Variants in FOXO3 observed in about 807,000 individuals in gnomAD.
FOXO3 encodes the protein forkhead box protein O3.
A neutral mutation model predicts 41.9 loss-of-function variants in FOXO3; 4 were observed. That is an observed-to-expected ratio of 0.10 (90% CI 0.05 to 0.22). The LOEUF is 0.22. FOXO3 is among the 10% of genes least tolerant of loss of function. FOXO3 has a pLI of 1.00. For missense variants in FOXO3, 534 were observed against 906.8 expected (o/e 0.59, Z 5.28); for synonymous variants, 318 against 389.3 (o/e 0.82, Z 2.16).
intron 1 of FOXO3, among the ~76,000 whole-genome samples, chr6:108,632,595 C>T (rs112041769): frequency 0.02 from 3,005 of 152,172 alleles, 98 homozygotes; most frequent in African/African-American, 0.067. Context: ...AATCCCTCCT[C>T]CTTCCCATAT....
intron 1 of FOXO3, among the ~76,000 whole-genome samples, chr6:108,632,581 C>T (rs1040445107): frequency 3.3e-5 from 5 of 152,130 alleles, no homozygotes; most frequent in African/African-American, 9.7e-5. Context: ...ATGGGACCTG[C>T]GGAAATCCCT....
In FOXO3 at chr6:108,663,600, A is replaced by G. The variant is rs771388308; in HGVS notation, c.767A>G (p.Asn256Ser). 1.2e-6 allele frequency: 2 copies of G among 1,613,624 alleles called. No homozygotes were observed. The highest frequency in any genetic ancestry group is 1.7e-6 in the Non-Finnish European group (2 of 1,179,674). ...CGGCGGCGGGCTGTCTCCATGGACA[A>G]TAGCAACAAGTATACCAAGAGCCGT... The part of the protein sequence containing the change: ...APRRRAVSMD[N>S]SNKYTKSRGR... Residue 256 changes from asparagine (N) to serine (S), a missense_variant, in exon 2 of 3, where the codon AAT becomes AGT. This residue lies in a region of FOXO3 where 77 missense variants were observed against 193.2 expected (regional missense o/e 0.40). Coordinates refer to ENST00000406360, the MANE Select transcript of FOXO3 (RefSeq NM_001455.4).
In FOXO3 at chr6:108,673,102, A is replaced by G. The variant is rs141126361; in HGVS notation, c.*35-6725A>G. Among the ~76,000 whole-genome samples, 1,353 of 152,354 alleles carry G rather than the reference A, an allele frequency of 8.9e-3. 18 individuals are homozygous for G. Among genetic ancestry groups the G allele is most frequent in the African/African-American group, 0.031 (1,282 of 41,572 alleles). On this transcript the variant is annotated intron_variant, in intron 2 of 2. Coordinates refer to ENST00000406360, the MANE Select transcript of FOXO3 (RefSeq NM_001455.4). ...CCGCCCAACGTAGTTATAAGTAATC[A>G]GAAAGTGTCTTGACTGATAGACCTG... is the stretch of plus-strand genomic sequence containing the variant.
At chr6:108,602,306 C>T (rs767005290) in intron 1 of FOXO3, among the ~76,000 whole-genome samples, 2 of 152,048 alleles carry the variant, frequency 1.3e-5, no homozygotes, top group African/African-American at 2.4e-5. Flanking sequence ...TATGAAAGTG[C>T]CCATTCTCAT....
intron 1 of FOXO3, among the ~76,000 whole-genome samples, chr6:108,613,213 A>G (rs1470752469): frequency 1.3e-5 from 2 of 152,164 alleles, no homozygotes; most frequent in African/African-American, 4.8e-5. Flanking sequence ...ATTTCTTATA[A>G]TATCTTTGCC....
chr6:108,569,614 T>G (rs977733916), intron 1 of FOXO3, among the ~76,000 whole-genome samples: 1 of 152,196 alleles, frequency 6.6e-6, no homozygotes, highest in African/African-American at 2.4e-5. Flanking sequence ...ATGACTTCTC[T>G]GCTGGGCTGT....
intron 1 of FOXO3, among the ~76,000 whole-genome samples, chr6:108,606,234 G>A (rs915577035): frequency 5.3e-5 from 8 of 152,168 alleles, no homozygotes; most frequent in African/African-American, 1.9e-4. Context: ...ATGCCTAATT[G>A]CTGCTCTTGC....
At chr6:108,667,519 G>C (rs943313639) in intron 2 of FOXO3, among the ~76,000 whole-genome samples, 2 of 152,174 alleles carry the variant, frequency 1.3e-5, no homozygotes, top group African/African-American at 4.8e-5. Flanking sequence ...GTTTTTGTCT[G>C]ATTTTTCAAG....
At chr6:108,659,127 C>G (rs888948692) in intron 1 of FOXO3, among the ~76,000 whole-genome samples, 3 of 152,040 alleles carry the variant, frequency 2.0e-5, no homozygotes, top group African/African-American at 7.2e-5. Flanking sequence ...TCAAGCGATC[C>G]GTCTGCCTCA....
At chr6:108,622,352 C>CT (rs1777694464) in intron 1 of FOXO3, among the ~76,000 whole-genome samples, 2 of 149,246 alleles carry the variant, frequency 1.3e-5, no homozygotes, top group South Asian at 4.3e-4. Flanking sequence ...TTCTATCTTG[C>CT]TTTGTACCTG....
At chr6:108,627,035 T>C (rs1174764018) in intron 1 of FOXO3, among the ~76,000 whole-genome samples, 1 of 152,198 alleles carries the variant, frequency 6.6e-6, no homozygotes, top group African/African-American at 2.4e-5. Context: ...GAGGCAGGCT[T>C]CCTAACTGTC....
At chr6:108,662,728 AC>A (rs1778905075) in intron 1 of FOXO3, among the ~76,000 whole-genome samples, 1 of 152,198 alleles carries the variant, frequency 6.6e-6, no homozygotes, top group Non-Finnish European at 1.5e-5. Context: ...GTGATTAATT[AC>A]CCTTAGAGAG....
chr6:108,656,253 C>T (rs943386744), intron 1 of FOXO3: 19 of 418,706 alleles, frequency 4.5e-5, no homozygotes, highest in African/African-American at 8.6e-5. Context: ...TTCTTGTTGT[C>T]GTTGCTGAGA....
chr6:108,621,378 A>T (rs1777658483), intron 1 of FOXO3, among the ~76,000 whole-genome samples: 1 of 152,176 alleles, frequency 6.6e-6, no homozygotes, highest in Admixed American at 6.5e-5. Context: ...TCATCAAGCC[A>T]CAAGGACTTC....
At chr6:108,633,112 G>A (rs1315181511) in intron 1 of FOXO3, among the ~76,000 whole-genome samples, 1 of 152,124 alleles carries the variant, frequency 6.6e-6, no homozygotes, top group Non-Finnish European at 1.5e-5. Context: ...GCATCTTGTT[G>A]ACTGGTATAT....
chr6:108,582,594 T>C (rs1182852301), intron 1 of FOXO3, among the ~76,000 whole-genome samples: 4 of 152,154 alleles, frequency 2.6e-5, no homozygotes, highest in Admixed American at 6.5e-5. Context: ...GTTTTTGTCA[T>C]GGAGATAGTA....
intron 2 of FOXO3, among the ~76,000 whole-genome samples, chr6:108,677,696 G>A (rs1033179942): frequency 1.5e-4 from 23 of 152,168 alleles, no homozygotes; most frequent in African/African-American, 5.3e-4. Flanking sequence ...AAGTGTTATT[G>A]TGAGGGGAAA....
chr6:108,626,101 G>A (rs1777808298), intron 1 of FOXO3, among the ~76,000 whole-genome samples: 1 of 152,168 alleles, frequency 6.6e-6, no homozygotes, highest in Non-Finnish European at 1.5e-5. Flanking sequence ...GTGTGATCCT[G>A]GGATGTCTAG....
At chr6:108,594,790 A>G (rs1235387125) in intron 1 of FOXO3, among the ~76,000 whole-genome samples, 2 of 152,066 alleles carry the variant, frequency 1.3e-5, no homozygotes, top group Non-Finnish European at 2.9e-5. Context: ...TCATCCCCAA[A>G]TCGGGCCTTG....
Sources: allele counts gnomAD v4.1 joint callset (sites outside exome capture counted in the v4.1 genomes callset), GRCh38; gene constraint gnomAD v4.1.1; regional missense constraint gnomAD v4.1.1; transcripts MANE v1.5; gene names NCBI Gene and HGNC (gene_info 2026-07-23, HGNC 2026-07-21).